The following UCK2 variants were observed in gnomAD, a reference collection of about 807,000 sequenced individuals.
UCK2 encodes cytidine monophosphokinase 2.
A neutral mutation model predicts 30.8 loss-of-function variants in UCK2; 6 were observed. The ratio of observed to expected loss-of-function variants is 0.19; its 90% CI spans 0.11 to 0.38. The LOEUF (loss-of-function observed/expected upper bound fraction) is 0.38. Among genes scored for constraint, UCK2 ranks in the 10% least tolerant of loss-of-function variants. UCK2 has a pLI of 1.00. For missense variants in UCK2, 210 were observed against 339.8 expected, an observed-to-expected ratio of 0.62 and a Z score of 3.00; for synonymous variants, 125 against 133.6, an observed-to-expected ratio of 0.94 and a Z score of 0.45.
At chr1:165,848,584 G>T (rs1654509478) in intron 1 of UCK2, among the ~76,000 whole-genome samples, 1 of 151,964 alleles carries the variant, frequency 6.6e-6, no homozygotes, top group African/African-American at 2.4e-5. Flanking sequence ...AGTGAGCTGA[G>T]ATCATGCTGC....
chr1:165,857,135 T>G (rs1654768400), intron 1 of UCK2, among the ~76,000 whole-genome samples: 1 of 152,126 alleles, frequency 6.6e-6, no homozygotes, highest in African/African-American at 2.4e-5. Context: ...TCACCCCTCT[T>G]TTGTTACATA....
intron 4 of UCK2, chr1:165,900,466 G>C (rs1422230834): frequency 6.6e-6 from 1 of 152,242 alleles, no homozygotes; most frequent in African/African-American, 2.4e-5. Flanking sequence ...TTGGGGTTAG[G>C]ATTCAGGTCC....
At position 165,871,064 on chromosome 1, in the gene UCK2, G is replaced by A. The variant is rs112907874; in HGVS notation, c.100-19140G>A. 2.8e-3 allele frequency among the ~76,000 whole-genome samples: 431 copies of A among 152,164 alleles called. 4 individuals carry two copies. Among genetic ancestry groups the A allele is most frequent in the African/African-American group, 8.9e-3 (369 of 41,502 alleles). ...TCCTGACCTCAAGTGATCTGCCAGC[G>A]TTGCCCCTCCCAAAGTGCTGGGATT... On this transcript the variant is annotated intron_variant, in intron 1 of 6. Coordinates refer to ENST00000367879, the MANE Select transcript of UCK2 (RefSeq NM_012474.5).
chr1:165,909,674 C>G lies in UCK2; in HGVS notation c.*1851C>G, dbSNP rs73031476. The G allele has an allele frequency of 6.6e-6, 1 of 152,250 alleles. No homozygotes were observed. The highest frequency in any genetic ancestry group is 1.5e-5 in the Non-Finnish European group (1 of 68,106). 9.4% of individuals were successfully genotyped at this position (152,250 alleles called of 1,614,324 possible). A position where few individuals can be genotyped will look rare whatever the true frequency, so the allele number is the denominator to read the frequency against. On this transcript the variant is annotated 3_prime_UTR_variant, in exon 7 of 7. Transcript: ENST00000367879. Reference sequence around the variant, plus strand: ...GAGCAAGGGAAGGCTCCCAAGATGCCTCCTTTGAAAGCCGGTGCTCACCAA... The same window carrying G: ...GAGCAAGGGAAGGCTCCCAAGATGCGTCCTTTGAAAGCCGGTGCTCACCAA...
At chr1:165,836,908 C>T (rs1398878994) in intron 1 of UCK2, among the ~76,000 whole-genome samples, 2 of 152,264 alleles carry the variant, frequency 1.3e-5, no homozygotes, top group East Asian at 1.9e-4. Flanking sequence ...GTGCCTGACA[C>T]CTGGCCTTTT....
intron 1 of UCK2, among the ~76,000 whole-genome samples, chr1:165,835,732 C>T (rs1025397871): frequency 3.3e-5 from 5 of 151,822 alleles, no homozygotes; most frequent in African/African-American, 9.7e-5. Context: ...TTCTTTTTTC[C>T]TCAATCATAT....
chr1:165,839,472 C>T (rs1469634996), intron 1 of UCK2, among the ~76,000 whole-genome samples: 4 of 151,828 alleles, frequency 2.6e-5, no homozygotes, highest in Admixed American at 2.6e-4. Flanking sequence ...GACCTGTCTT[C>T]TGGGAAGAAC....
intron 1 of UCK2, among the ~76,000 whole-genome samples, chr1:165,866,961 A>G (rs570134909): frequency 1.2e-4 from 18 of 152,346 alleles, no homozygotes; most frequent in African/African-American, 4.3e-4. Flanking sequence ...GTGTACAAAT[A>G]TACACATACC....
chr1:165,827,701 A>C lies in UCK2; in HGVS notation c.-133A>C, dbSNP rs2101843635. 1 of 756,202 alleles carries C rather than the reference A, an allele frequency of 1.3e-6. No homozygotes were observed. 46.8% of individuals were successfully genotyped at this position (756,202 alleles called of 1,614,324 possible). On this transcript the variant is annotated 5_prime_UTR_variant, in exon 1 of 7. Transcript: ENST00000367879. ...CGTCACCGGGCTCCGAGCGGCTCGC[A>C]GGCGAGCGACAGCGGCCTCAGCCCC...
chr1:165,883,729 C>T (rs568490174), intron 1 of UCK2, among the ~76,000 whole-genome samples: 8 of 152,170 alleles, frequency 5.3e-5, no homozygotes, highest in Non-Finnish European at 7.4e-5. Flanking sequence ...TGGCCTAGGG[C>T]AACCCACTTG....
At chr1:165,863,757 A>G (rs1251652508) in intron 1 of UCK2, among the ~76,000 whole-genome samples, 1 of 152,242 alleles carries the variant, frequency 6.6e-6, no homozygotes, top group African/African-American at 2.4e-5. Flanking sequence ...CTCTAGCAAT[A>G]CAGAATATTA....
intron 1 of UCK2, among the ~76,000 whole-genome samples, chr1:165,852,460 GA>G (rs542329111): frequency 2.2e-4 from 33 of 152,252 alleles, no homozygotes; most frequent in Admixed American, 9.8e-4. Context: ...ACAAACATGA[GA>G]AAAAGCTCAA....
At chr1:165,841,016 C>T (rs994691284) in intron 1 of UCK2, among the ~76,000 whole-genome samples, 1 of 151,884 alleles carries the variant, frequency 6.6e-6, no homozygotes. Context: ...CTGCTAGAGG[C>T]AAGGTAGTGT....
chr1:165,846,924 C>G (rs1297211889), intron 1 of UCK2, among the ~76,000 whole-genome samples: 1 of 152,116 alleles, frequency 6.6e-6, no homozygotes, highest in Non-Finnish European at 1.5e-5. Flanking sequence ...GGCACCTGTT[C>G]ATATTAAATC....
At position 165,858,616 on chromosome 1, in the gene UCK2, C is replaced by A. The variant is rs531466385; in HGVS notation, c.99+30684C>A. Among the ~76,000 whole-genome samples the A allele has an allele frequency of 3.9e-5, 6 of 152,280 alleles. No individual in the cohort carries two copies. In the South Asian group the frequency reaches 1.0e-3, roughly 26 times the overall value. On this transcript the variant is annotated intron_variant, in intron 1 of 6. Transcript: ENST00000367879. ...TGAGCCAGCAGTGCCCACTTCATAG[C>A]CCTTTCTGTAGGGCCCCTGTGTTGA... is the stretch of plus-strand genomic sequence containing the variant.
At chr1:165,831,643 G>C (rs181532652) in intron 1 of UCK2, among the ~76,000 whole-genome samples, 8 of 152,282 alleles carry the variant, frequency 5.3e-5, no homozygotes, top group Non-Finnish European at 1.0e-4. Context: ...AATAGCTCTG[G>C]ATGTGCCATT....
At chr1:165,869,583 A>G (rs1377409322) in intron 1 of UCK2, among the ~76,000 whole-genome samples, 2 of 147,898 alleles carry the variant, frequency 1.4e-5, no homozygotes, top group Non-Finnish European at 3.0e-5. Flanking sequence ...GCTTGCTAAC[A>G]TTTGTTCTTT....
intron 3 of UCK2, among the ~76,000 whole-genome samples, chr1:165,893,546 A>G (rs1253755846): frequency 6.6e-6 from 1 of 152,202 alleles, no homozygotes; most frequent in Non-Finnish European, 1.5e-5. Context: ...TGAAGAAGAC[A>G]TTTACTTGTT....
At chr1:165,845,245 C>T (rs536235375) in intron 1 of UCK2, among the ~76,000 whole-genome samples, 2 of 152,150 alleles carry the variant, frequency 1.3e-5, no homozygotes, top group Non-Finnish European at 2.9e-5. Context: ...GAGAAATCGC[C>T]ATACGTTTTG....
Sources: gnomAD v4.1 joint callset for allele counts (sites outside exome capture counted in the v4.1 genomes callset) on GRCh38, gnomAD v4.1.1 for gene constraint, MANE v1.5 for transcripts, NCBI Gene and HGNC (gene_info 2026-07-23, HGNC 2026-07-21) for gene names.